MYO10: variants seen among roughly 807,000 people sequenced by gnomAD.
The protein encoded by MYO10 is unconventional myosin-X.
In MYO10, 133 loss-of-function variants were observed where a neutral mutation model predicts 257.3. The observed-to-expected ratio is 0.52, with a 90% CI of 0.45 to 0.60. The LOEUF is 0.60. Ranked by LOEUF, MYO10 falls within the 20% of genes least tolerant of loss-of-function variation. The probability of loss-of-function intolerance (pLI) is 0.00; values close to 1 mark genes in which losing one functional copy is unlikely to be tolerated. For synonymous variants in MYO10, 1,104 were observed against 1,028.6 expected (o/e 1.07, Z -1.40); for missense variants, 2,399 against 2,635.7 (o/e 0.91, Z 1.97).
chr5:16,806,409 G>T lies in MYO10; in HGVS notation c.280-11576C>A, dbSNP rs1441423887. Among the ~76,000 whole-genome samples the T allele has an allele frequency of 7.4e-4, 112 of 151,934 alleles. 2 individuals carry two copies. The highest frequency in any genetic ancestry group is 5.9e-5 in the Non-Finnish European group (4 of 67,954). ...CACCTGTGATCCCAGCACTTTGGGA[G>T]GCAGAGGCGGGCGGATCACGAGGTC... is the stretch of plus-strand genomic sequence containing the variant. On this transcript the variant is annotated intron_variant, in intron 3 of 40. Transcript: ENST00000513610.
At chr5:16,738,615 G>A (rs965464029) in intron 19 of MYO10, among the ~76,000 whole-genome samples, 4 of 151,956 alleles carry the variant, frequency 2.6e-5, no homozygotes, top group Non-Finnish European at 2.9e-5. Flanking sequence ...AAAAGAGGCC[G>A]AGCATGGTGA....
chr5:16,859,049 CTCTTTA>C (rs1744041096), intron 2 of MYO10, among the ~76,000 whole-genome samples: 1 of 152,176 alleles, frequency 6.6e-6, no homozygotes, highest in African/African-American at 2.4e-5. Flanking sequence ...TACCCGCCTG[CTCTTTA>C]TCCTGTGTTC....
intron 19 of MYO10, among the ~76,000 whole-genome samples, chr5:16,750,567 C>A (rs1292276335): frequency 6.6e-6 from 1 of 152,110 alleles, no homozygotes. Context: ...ACTAGCCCGG[C>A]GAGTGTGTGA....
intron 1 of MYO10, among the ~76,000 whole-genome samples, chr5:16,883,041 G>T (rs1156568643): frequency 6.6e-6 from 1 of 151,566 alleles, no homozygotes; most frequent in Non-Finnish European, 1.5e-5. Flanking sequence ...TCAGCCTCCT[G>T]AGTAGCTGGG....
intron 27 of MYO10, 27 bp from the exon 28 acceptor site, chr5:16,689,946 C>T (rs772784427): frequency 1.3e-6 from 2 of 1,518,844 alleles, no homozygotes; most frequent in Non-Finnish European, 1.8e-6. Context: ...GCAACAAACG[C>T]ACATCAGGAA....
intron 1 of MYO10, among the ~76,000 whole-genome samples, chr5:16,904,095 T>C (rs988313023): frequency 1.4e-5 from 2 of 144,402 alleles, no homozygotes; most frequent in Non-Finnish European, 1.5e-5. Flanking sequence ...GGGCTGAAGG[T>C]TGACCAGTAA....
chr5:16,774,417 T>G (rs1444656175), intron 9 of MYO10, among the ~76,000 whole-genome samples: 1 of 152,176 alleles, frequency 6.6e-6, no homozygotes, highest in Non-Finnish European at 1.5e-5. Flanking sequence ...ACTTATTTAT[T>G]TATTTTTTTA....
intron 28 of MYO10, among the ~76,000 whole-genome samples, chr5:16,688,966 G>A (rs1737371111): frequency 6.6e-6 from 1 of 152,182 alleles, no homozygotes; most frequent in Admixed American, 6.5e-5. Context: ...GAAACCTGAA[G>A]TCCAGGAAGC....
Position 16,666,676 on chromosome 5 carries a change from G to A in MYO10, c.*16C>T, listed in dbSNP as rs1258130974. 4 of 1,580,098 alleles carry A rather than the reference G, an allele frequency of 2.5e-6. No homozygotes were observed. The highest frequency in any genetic ancestry group is 2.6e-6 in the Non-Finnish European group (3 of 1,165,010). On this transcript the variant is annotated 3_prime_UTR_variant, in exon 41 of 41. Coordinates refer to ENST00000513610, the MANE Select transcript of MYO10 (RefSeq NM_012334.3). The stretch of plus-strand genomic sequence containing the variant: ...GTGCGTTCAGGTAGCAAAGACAGGT[G>A]GGCTCTGTCCCGCCTTCACCTGGAG...
chr5:16,839,812 T>G (rs1273461333), intron 2 of MYO10, among the ~76,000 whole-genome samples: 1 of 151,916 alleles, frequency 6.6e-6, no homozygotes, highest in Non-Finnish European at 1.5e-5. Flanking sequence ...TAGGCTAATG[T>G]AAGTGTTCTG....
chr5:16,805,474 A>G (rs901011854), intron 3 of MYO10, among the ~76,000 whole-genome samples: 5 of 150,932 alleles, frequency 3.3e-5, no homozygotes, highest in Non-Finnish European at 5.9e-5. Flanking sequence ...AAAAAAAAAA[A>G]AAAAAAGAAA....
intron 1 of MYO10, among the ~76,000 whole-genome samples, chr5:16,917,623 A>G (rs76655908): frequency 0.018 from 2,705 of 151,292 alleles, 91 homozygotes; most frequent in African/African-American, 0.063. Context: ...GGAGGCTGAG[A>G]GGGGAGGAGA....
At chr5:16,715,793 C>T (rs908208027) in intron 19 of MYO10, among the ~76,000 whole-genome samples, 13 of 152,166 alleles carry the variant, frequency 8.5e-5, no homozygotes, top group Admixed American at 3.3e-4. Context: ...CGGTGGCTCA[C>T]GCCTGTAATC....
chr5:16,792,128 CACACAG>C lies in MYO10; in HGVS notation c.467+2512_467+2517del, dbSNP rs1349114069. ...ACATACATACACACACACACACACA[CACACAG>C]AGAGAGAGAGAGAGAGAGAGAGAGA... On this transcript the variant is annotated intron_variant, in intron 4 of 40. Coordinates refer to ENST00000513610, the MANE Select transcript of MYO10 (RefSeq NM_012334.3). 1.7e-3 allele frequency among the ~76,000 whole-genome samples: 233 copies of C among 137,812 alleles called. 2 individuals carry two copies. Among genetic ancestry groups the C allele is most frequent in the Non-Finnish European group, 1.5e-3 (99 of 64,756 alleles). 90.4% of individuals were successfully genotyped at this position (137,812 alleles called of 152,430 possible). A position where few individuals can be genotyped will look rare whatever the true frequency, so the allele number is the denominator to read the frequency against.
rs1234212543 is a variant in MYO10 at position 16,665,140 on chromosome 5, C to A, written c.*1552G>T. 1 of 150,940 alleles carries A rather than the reference C, an allele frequency of 6.6e-6. No homozygotes were observed. The highest frequency in any genetic ancestry group is 2.4e-5 in the African/African-American group (1 of 40,982). The allele number at this position is 150,940 out of a possible 1,614,324, so 9.4% of individuals were successfully genotyped here. On this transcript the variant is annotated 3_prime_UTR_variant, in exon 41 of 41. Transcript: ENST00000513610. ...ATCGCTAGAACCCAGGAGGCAGAGGCTGCAGTGAGCCGAGATCACGCCACT... is the reference window on the plus strand; with the variant it reads ...ATCGCTAGAACCCAGGAGGCAGAGGATGCAGTGAGCCGAGATCACGCCACT...
Position 16,666,214 on chromosome 5 carries a change from C to A in MYO10, c.*478G>T. The A allele has an allele frequency of 6.4e-6, 1 of 155,250 alleles. No homozygotes were observed. The highest frequency in any genetic ancestry group is 1.4e-5 in the Non-Finnish European group (1 of 69,746). The allele number at this position is 155,250 out of a possible 1,614,324, so 9.6% of individuals were successfully genotyped here. A position where few individuals can be genotyped will look rare whatever the true frequency, so the allele number is the denominator to read the frequency against. ...CAAACACACTGTCCCCTCGAGCTCT[C>A]CATCCCCCTTCCCACTCCCTCACCT... On this transcript the variant is annotated 3_prime_UTR_variant, in exon 41 of 41. Transcript: ENST00000513610.
chr5:16,674,736 TC>T, intron 35 of MYO10, 116 bp downstream of exon 35: 1 of 1,182,974 alleles, frequency 8.5e-7, no homozygotes. Flanking sequence ...GACCCAGAGG[TC>T]CCTGTCCTAC....
chr5:16,676,177 T>G (rs745785877), intron 33 of MYO10, 23 bp from the exon 34 acceptor site: 4 of 1,609,704 alleles, frequency 2.5e-6, no homozygotes, highest in East Asian at 2.2e-5. Context: ...CAAGCAAGCT[T>G]ATTGTAAGAA....
Position 16,764,339 on chromosome 5 carries a change from C to A in MYO10, c.1237G>T (p.Val413Leu), listed in dbSNP as rs146348749. The A allele has an allele frequency of 3.7e-6, 6 of 1,613,884 alleles. No individual in the cohort carries two copies. The highest frequency in any genetic ancestry group is 1.6e-4 in the Middle Eastern group (1 of 6,062). ...MALYACCFEW[V>L]IKKINSRIKG... is the part of the protein sequence containing the mutation. ...ATCCTGCTGTTGATCTTCTTGATTA[C>A]CCACTCAAAGCAGCACGCATACAGA... Residue 413 changes from valine to leucine, a missense_variant, in exon 12 of 41, where the codon GTA (valine) becomes TTA (leucine). Around this residue, in one of 3 missense-constraint regions of MYO10, gnomAD observed 337 missense variants for 446.8 expected, o/e 0.75. Coordinates refer to ENST00000513610, the MANE Select transcript of MYO10 (RefSeq NM_012334.3).
Sources: gnomAD v4.1 joint callset for allele counts (sites outside exome capture counted in the v4.1 genomes callset) on GRCh38, gnomAD v4.1.1 for gene constraint, gnomAD v4.1.1 regional missense constraint, MANE v1.5 for transcripts, NCBI Gene and HGNC (gene_info 2026-07-23, HGNC 2026-07-21) for gene names.